UBE3A: variants seen among roughly 807,000 people sequenced by gnomAD.
UBE3A encodes the protein ubiquitin protein ligase E3A.
A neutral mutation model predicts 83.4 loss-of-function variants in UBE3A; 6 were observed. The observed-to-expected ratio is 0.07, with a 90% CI of 0.04 to 0.14. UBE3A has a LOEUF of 0.14. Among genes scored for constraint, UBE3A ranks in the 10% least tolerant of loss-of-function variants. The pLI is 1.00. For synonymous variants in UBE3A, 337 were observed against 355.4 expected (o/e 0.95, Z 0.58); for missense variants, 456 against 1,036.1 (o/e 0.44, Z 7.69).
At chr15:25,407,558 T>C (rs1226598983) in intron 3 of UBE3A, 2 of 152,736 alleles carry the variant, frequency 1.3e-5, no homozygotes, top group African/African-American at 2.4e-5. Flanking sequence ...TATGTGAACT[T>C]TGGCATCAAA....
Position 25,340,138 on chromosome 15 carries a change from T to C in UBE3A, c.2445A>G (p.Gly815=). The change falls in exon 12 of 13, where the codon GGA becomes GGG. Residue 815 remains glycine (G), a synonymous_variant. Transcript: ENST00000648336. ...TAATCATCTTTAATTTTCCTAGTCC[T>C]CCCACAGGTGCTCTGTCTGTGCCCG... ...FTTGTDRAPV[G]GLGKLKMIIA... is the part of the protein sequence containing the mutation. 1 of 1,614,092 alleles carries C rather than the reference T, an allele frequency of 6.2e-7. No individual in the cohort carries two copies. Among genetic ancestry groups the C allele is most frequent in the Non-Finnish European group, 8.5e-7 (1 of 1,179,970 alleles).
intron 1 of UBE3A, among the ~76,000 whole-genome samples, chr15:25,435,682 T>C (rs771344423): frequency 2.0e-4 from 31 of 152,212 alleles, no homozygotes; most frequent in Non-Finnish European, 3.4e-4. Flanking sequence ...CTTGGACTTC[T>C]CAGCCCCCAG....
chr15:25,420,001 T>C (rs1470014618), intron 1 of UBE3A, among the ~76,000 whole-genome samples: 1 of 151,934 alleles, frequency 6.6e-6, no homozygotes, highest in Non-Finnish European at 1.5e-5. Flanking sequence ...AGAAAACAAA[T>C]AGTGTCTTAA....
chr15:25,430,916 T>C (rs1488926834), intron 1 of UBE3A, among the ~76,000 whole-genome samples: 1 of 152,192 alleles, frequency 6.6e-6, no homozygotes, highest in African/African-American at 2.4e-5. Context: ...GGGAAGGACT[T>C]ATCCCATACT....
chr15:25,343,227 T>TA (rs747310772), intron 11 of UBE3A, among the ~76,000 whole-genome samples: 22 of 152,126 alleles, frequency 1.4e-4, no homozygotes, highest in Non-Finnish European at 2.9e-4. Context: ...GAAGTCTAAA[T>TA]AAAGTTATTA....
At chr15:25,347,606 G>A (rs147335234) in intron 11 of UBE3A, among the ~76,000 whole-genome samples, 3,876 of 152,160 alleles carry the variant, frequency 0.025, 163 homozygotes, top group African/African-American at 0.089. Context: ...AGGCTGAGGC[G>A]GGAGGATTGC....
At chr15:25,408,777 T>C in intron 3 of UBE3A, 1 of 1,022,456 alleles carries the variant, frequency 9.8e-7, no homozygotes, top group Non-Finnish European at 1.4e-6. Context: ...AGGCATACTT[T>C]AAAATGCATA....
intron 1 of UBE3A, among the ~76,000 whole-genome samples, chr15:25,427,834 G>A (rs1207604802): frequency 6.8e-6 from 1 of 146,712 alleles, no homozygotes; most frequent in Non-Finnish European, 1.5e-5. Flanking sequence ...GGGGTGGGGA[G>A]AATTCAATAA....
At chr15:25,428,058 C>A (rs1275629282) in intron 1 of UBE3A, among the ~76,000 whole-genome samples, 1 of 152,022 alleles carries the variant, frequency 6.6e-6, no homozygotes, top group Non-Finnish European at 1.5e-5. Flanking sequence ...TAAGCATAGA[C>A]TGGTGGTTAC....
At chr15:25,359,904 AAG>A (rs757935852) in intron 7 of UBE3A, among the ~76,000 whole-genome samples, 4 of 152,150 alleles carry the variant, frequency 2.6e-5, no homozygotes, top group Non-Finnish European at 5.9e-5. Flanking sequence ...TACCTATATT[AAG>A]CCCCAAGAAA....
rs1029937998 is a variant in UBE3A, at chr15:25,415,853, A to G, written c.-164-3882T>C. The G allele has an allele frequency of 1.6e-3, 237 of 147,314 alleles. 1 individual carries two copies. Among genetic ancestry groups the G allele is most frequent in the African/African-American group, 5.6e-3 (231 of 40,898 alleles). 9.1% of individuals were successfully genotyped at this position (147,314 alleles called of 1,614,324 possible). A position where few individuals can be genotyped will look rare whatever the true frequency, so the allele number is the denominator to read the frequency against. ...CACCATACCTCCCCTCTACAAGAAAAAAAAAAAAAAAAAAAAGGAATCAGG... is the reference window on the plus strand; with the variant it reads ...CACCATACCTCCCCTCTACAAGAAAGAAAAAAAAAAAAAAAAGGAATCAGG... On this transcript the variant is annotated intron_variant, in intron 1 of 12. Coordinates refer to ENST00000648336, the MANE Select transcript of UBE3A (RefSeq NM_130839.5).
intron 3 of UBE3A, among the ~76,000 whole-genome samples, chr15:25,406,716 GCA>G (rs1567102076): frequency 2.7e-4 from 34 of 124,790 alleles, no homozygotes; most frequent in African/African-American, 8.6e-4. Context: ...ACACACACAC[GCA>G]CACACACAAA....
chr15:25,360,577 GA>G (rs369867124), intron 6 of UBE3A, 50 bp from the exon 7 acceptor site: 11 of 1,591,186 alleles, frequency 6.9e-6, no homozygotes, highest in East Asian at 2.2e-5. Flanking sequence ...CTAGTATCAG[GA>G]AAAAAACAAA....
chr15:25,420,809 A>G (rs1889428783), intron 1 of UBE3A: 1 of 152,208 alleles, frequency 6.6e-6, no homozygotes. Flanking sequence ...TCCTAAGTAC[A>G]TAACCAAAAG....
At chr15:25,353,871 T>C (rs899694631) in intron 11 of UBE3A, among the ~76,000 whole-genome samples, 2 of 152,114 alleles carry the variant, frequency 1.3e-5, no homozygotes, top group African/African-American at 4.8e-5. Context: ...TCTGTGAGAA[T>C]TCAGGGCTTA....
At chr15:25,365,766 G>T (rs1486870669) in intron 6 of UBE3A, among the ~76,000 whole-genome samples, 1 of 136,318 alleles carries the variant, frequency 7.3e-6, no homozygotes. Flanking sequence ...AAAAAAAAAA[G>T]AGGAAAAAGA....
rs180792773 is a variant in UBE3A at position 25,383,731 on chromosome 15, A to G, written c.63-7968T>C. The stretch of plus-strand genomic sequence containing the variant: ...GCCATATATAGAAAGACCACAGCTA[A>G]TGTTATTCAATGATGAAAAACTGAA... On this transcript the variant is annotated intron_variant, in intron 4 of 12. Transcript: ENST00000648336. Among the ~76,000 whole-genome samples the G allele has an allele frequency of 5.0e-3, 758 of 152,312 alleles. 14 individuals are homozygous for G. Among genetic ancestry groups the G allele is most frequent in the Non-Finnish European group, 3.9e-3 (267 of 68,024 alleles).
chr15:25,352,499 G>C (rs1181589955), intron 11 of UBE3A, among the ~76,000 whole-genome samples: 1 of 152,138 alleles, frequency 6.6e-6, no homozygotes, highest in Non-Finnish European at 1.5e-5. Context: ...TAACAGCATT[G>C]TCTAAAAATA....
chr15:25,436,083 T>A (rs138384475), intron 1 of UBE3A, among the ~76,000 whole-genome samples: 58 of 152,276 alleles, frequency 3.8e-4, no homozygotes, highest in African/African-American at 1.3e-3. Flanking sequence ...AGGGTCTAAT[T>A]CCAAAGATAT....
Sources: gnomAD v4.1 joint callset for allele counts (sites outside exome capture counted in the v4.1 genomes callset) on GRCh38, gnomAD v4.1.1 for gene constraint, MANE v1.5 for transcripts, NCBI Gene and HGNC (gene_info 2026-07-23, HGNC 2026-07-21) for gene names.